ADGRL2: variants seen among roughly 807,000 people sequenced by gnomAD.
ADGRL2 encodes calcium-independent alpha-latrotoxin receptor 2.
ADGRL2 carries 44 observed loss-of-function variants against 157.4 expected under a neutral mutation model. That is an observed-to-expected ratio of 0.28 (90% CI 0.22 to 0.36). The LOEUF (loss-of-function observed/expected upper bound fraction) is 0.36, where lower values mean the gene tolerates loss of function less well. ADGRL2 is among the 10% of genes least tolerant of loss of function. The pLI, the probability that ADGRL2 is intolerant of heterozygous loss-of-function variation, is 1.00. For synonymous variants in ADGRL2, 585 were observed against 624.7 expected, an observed-to-expected ratio of 0.94 and a Z score of 0.95; for missense variants, 1,510 against 1,768.9, an observed-to-expected ratio of 0.85 and a Z score of 2.63.
At chr1:81,653,654 C>G (rs1177198730) in intron 3 of ADGRL2, among the ~76,000 whole-genome samples, 1 of 152,122 alleles carries the variant, frequency 6.6e-6, no homozygotes, top group East Asian at 1.9e-4. Flanking sequence ...TATTTCTATT[C>G]ATTCTTTTAT....
chr1:81,933,089 T>G (rs17107500), intron 3 of ADGRL2, among the ~76,000 whole-genome samples: 19,059 of 152,218 alleles, frequency 0.13, 1,558 homozygotes, highest in East Asian at 0.16. Flanking sequence ...TTTCACTATC[T>G]TAAGTCATCT....
At chr1:81,390,508 T>C (rs1281550735) in intron 1 of ADGRL2, among the ~76,000 whole-genome samples, 4 of 152,162 alleles carry the variant, frequency 2.6e-5, no homozygotes, top group African/African-American at 9.6e-5. Flanking sequence ...ATACAAATGA[T>C]TCATGCTTAT....
chr1:81,843,661 C>G (rs996430889), intron 2 of ADGRL2, among the ~76,000 whole-genome samples: 1 of 152,046 alleles, frequency 6.6e-6, no homozygotes, highest in African/African-American at 2.4e-5. Context: ...TATCAGCATT[C>G]AAGATGAAGG....
chr1:81,533,574 A>G (rs774200429), intron 2 of ADGRL2, among the ~76,000 whole-genome samples: 13 of 152,158 alleles, frequency 8.5e-5, no homozygotes, highest in Non-Finnish European at 1.3e-4. Flanking sequence ...TTTTCCTTGC[A>G]GTTATACTTA....
intron 3 of ADGRL2, among the ~76,000 whole-genome samples, chr1:81,694,301 C>G (rs914700566): frequency 6.6e-6 from 1 of 152,118 alleles, no homozygotes; most frequent in African/African-American, 2.4e-5. Flanking sequence ...CAATTATTTG[C>G]TAGCAGTGTG....
chr1:81,388,705 T>C (rs948551213), intron 1 of ADGRL2, among the ~76,000 whole-genome samples: 1 of 152,186 alleles, frequency 6.6e-6, no homozygotes, highest in African/African-American at 2.4e-5. Flanking sequence ...ACATCGGATC[T>C]GCGGGTACCT....
intron 2 of ADGRL2, among the ~76,000 whole-genome samples, chr1:81,887,633 C>G (rs1461348327): frequency 6.6e-6 from 1 of 152,142 alleles, no homozygotes; most frequent in Non-Finnish European, 1.5e-5. Context: ...TTCCAACATT[C>G]CCGAGTGAAA....
chr1:81,508,025 A>G (rs1232115911), intron 2 of ADGRL2, among the ~76,000 whole-genome samples: 1 of 152,206 alleles, frequency 6.6e-6, no homozygotes, highest in African/African-American at 2.4e-5. Flanking sequence ...TTTATTTGCT[A>G]TTTAACATTA....
intron 2 of ADGRL2, among the ~76,000 whole-genome samples, chr1:81,483,604 T>C (rs951918963): frequency 6.6e-6 from 1 of 152,120 alleles, no homozygotes; most frequent in African/African-American, 2.4e-5. Context: ...GATTCAACAA[T>C]GTACAAACAG....
intron 2 of ADGRL2, among the ~76,000 whole-genome samples, chr1:81,903,812 T>TACACACACACAC (rs66880348): frequency 8.3e-6 from 1 of 120,528 alleles, no homozygotes; most frequent in Non-Finnish European, 1.7e-5. Flanking sequence ...ACATTTTATA[T>TACACACACACAC]ACACACACAC....
chr1:81,770,603 A>T (rs566949195), intron 2 of ADGRL2, among the ~76,000 whole-genome samples: 1 of 152,160 alleles, frequency 6.6e-6, no homozygotes, highest in Admixed American at 6.5e-5. Flanking sequence ...GCTCCCGAGT[A>T]GCTGGGATTA....
intron 10 of ADGRL2, among the ~76,000 whole-genome samples, chr1:81,953,966 G>A (rs1300379460): frequency 6.6e-6 from 1 of 152,124 alleles, no homozygotes; most frequent in African/African-American, 2.4e-5. Context: ...CGTCTCACTA[G>A]TTAGTATTGG....
chr1:81,854,798 G>GA (rs2093145504), intron 2 of ADGRL2, among the ~76,000 whole-genome samples: 1 of 152,118 alleles, frequency 6.6e-6, no homozygotes, highest in South Asian at 2.1e-4. Context: ...TGAGCTCCAG[G>GA]AGAGTGTGCA....
intron 1 of ADGRL2, chr1:81,722,929 T>C: frequency 1.3e-6 from 1 of 746,104 alleles, no homozygotes; most frequent in Admixed American, 1.7e-5. Context: ...ATCTAGAGGT[T>C]CTTGCAGACA....
intron 1 of ADGRL2, among the ~76,000 whole-genome samples, chr1:81,441,001 A>T (rs1343282184): frequency 6.6e-6 from 1 of 152,184 alleles, no homozygotes; most frequent in Admixed American, 6.5e-5. Context: ...TTCTAGAGTT[A>T]GACATTCATA....
chr1:81,314,163 G>A (rs74093305), intron 1 of ADGRL2, among the ~76,000 whole-genome samples: 472 of 152,248 alleles, frequency 3.1e-3, no homozygotes, highest in African/African-American at 0.01. Context: ...TGTTTGGTGC[G>A]GTTCTGACAG....
At position 81,974,649 on chromosome 1, in the gene ADGRL2, A is replaced by G. The variant is rs547454621; in HGVS notation, c.3021+2731A>G. On this transcript the variant is annotated intron_variant, in intron 17 of 23. Coordinates refer to ENST00000686636, the MANE Select transcript of ADGRL2 (RefSeq NM_001366006.2). ...GATGTTTCTGTTCTTCTGTCTTATC[A>G]TATCCATGTCAGCACTGCAAGCTGT... Among the ~76,000 whole-genome samples the G allele has an allele frequency of 2.0e-5, 3 of 152,234 alleles. 1 individual carries two copies. The highest frequency in any genetic ancestry group is 6.5e-5 in the Admixed American group (1 of 15,276).
chr1:81,985,261 T>C lies in ADGRL2; in HGVS notation c.3414T>C (p.Ser1138=). The change falls in exon 21 of 24, where the codon AGT becomes AGC. Residue 1138 remains serine (S), a splice_region_variant and synonymous_variant. Coordinates refer to ENST00000686636, the MANE Select transcript of ADGRL2 (RefSeq NM_001366006.2). ...GTCTTGCTGTTTTGTATTAATAGAGTCGTATAAGAAGAATGTGGAATGATA... is the reference window on the plus strand; with the variant it reads ...GTCTTGCTGTTTTGTATTAATAGAGCCGTATAAGAAGAATGTGGAATGATA... The part of the protein sequence containing the change: ...TSARYSSGTQ[S]RIRRMWNDTV... The C allele has an allele frequency of 2.6e-6, 4 of 1,557,264 alleles. No individual in the cohort carries two copies. Among genetic ancestry groups the C allele is most frequent in the Non-Finnish European group, 3.5e-6 (4 of 1,133,308 alleles).
intron 1 of ADGRL2, among the ~76,000 whole-genome samples, chr1:81,336,653 G>A (rs1661661628): frequency 6.6e-6 from 1 of 152,088 alleles, no homozygotes; most frequent in Non-Finnish European, 1.5e-5. Flanking sequence ...TGACTCAGCT[G>A]GGGTGTCTGG....
Sources: gnomAD v4.1 joint callset for allele counts (sites outside exome capture counted in the v4.1 genomes callset) on GRCh38, gnomAD v4.1.1 for gene constraint, MANE v1.5 for transcripts, NCBI Gene and HGNC (gene_info 2026-07-23, HGNC 2026-07-21) for gene names.